LRP1: variants seen among roughly 807,000 people sequenced by gnomAD.
LRP1 encodes prolow-density lipoprotein receptor-related protein 1.
LRP1 carries 51 observed loss-of-function variants against 541.5 expected under a neutral mutation model. The observed-to-expected ratio is 0.09, with a 90% CI of 0.08 to 0.12. The LOEUF (loss-of-function observed/expected upper bound fraction) is 0.12. LRP1 is among the 10% of genes least tolerant of loss of function. The pLI, the probability that LRP1 is intolerant of heterozygous loss-of-function variation, is 1.00. For missense variants in LRP1, 3,878 were observed against 6,376.2 expected (o/e 0.61, Z 13.34); for synonymous variants, 2,219 against 2,470.8 (o/e 0.90, Z 3.02).
intron 1 of LRP1, among the ~76,000 whole-genome samples, chr12:57,134,908 C>T (rs1403473544): frequency 1.3e-5 from 2 of 152,114 alleles, no homozygotes; most frequent in East Asian, 1.9e-4. Flanking sequence ...GGTTTCACCG[C>T]GTTAGCCAGG....
rs756823511 is a variant in LRP1, at chr12:57,198,499, C to G, written c.9505C>G (p.Leu3169Val). 12 of 1,614,094 alleles carry G rather than the reference C, an allele frequency of 7.4e-6. No homozygotes were observed. Among genetic ancestry groups the G allele is most frequent in the Admixed American group, 1.7e-5 (1 of 60,026 alleles). The change falls in exon 60 of 89, where the codon CTG (leucine) becomes GTG (valine). Residue 3169 changes from leucine (L) to valine (V), a missense_variant. Leu to Val is a conservative substitution (Grantham distance 32). Transcript: ENST00000243077. Reference protein sequence around the residue: ...LYWTDWGDHSLIGRIGMDGSS... With the variant: ...LYWTDWGDHSVIGRIGMDGSS... ...CTGGACAGACTGGGGTGACCATTCA[C>G]TGATCGGCCGCATCGGCATGGATGG...
chr12:57,197,291 GTC>G lies in LRP1; in HGVS notation c.9077-6_9077-5del. ...GCCAGGAGCTGAGGCAAGATCCTCT[GTC>G]TGCAGACGAGGAACCGTTTCTGATC... On this transcript the variant is annotated splice_region_variant and splice_polypyrimidine_tract_variant and intron_variant, in intron 56 of 88. Coordinates refer to ENST00000243077, the MANE Select transcript of LRP1 (RefSeq NM_002332.3). The surrounding 1 kb of genome is among the most constrained non-coding windows in gnomAD (Gnocchi z 4.5). 6.2e-7 allele frequency: 1 copy of G among 1,614,080 alleles called. No individual in the cohort carries two copies. Among genetic ancestry groups the G allele is most frequent in the Non-Finnish European group, 8.5e-7 (1 of 1,179,958 alleles).
rs2035979964 is a variant in LRP1, at chr12:57,173,241, G to A, written c.3237G>A (p.Arg1079=). The A allele has an allele frequency of 6.2e-7, 1 of 1,613,910 alleles. No homozygotes were observed. The highest frequency in any genetic ancestry group is 1.3e-5 in the African/African-American group (1 of 74,924). Residue 1079 remains arginine, a synonymous_variant, in exon 21 of 89, where the codon CGG becomes CGA. Coordinates refer to ENST00000243077, the MANE Select transcript of LRP1 (RefSeq NM_002332.3). The surrounding 1 kb of genome is among the most constrained non-coding windows in gnomAD (Gnocchi z 4.7). The stretch of plus-strand genomic sequence containing the variant: ...TGGATGGACTATGCATCCCCCTGCG[G>A]TGGCGCTGCGATGGGGACACTGACT... ...CRLDGLCIPL[R]WRCDGDTDCM...
In LRP1 at chr12:57,200,826, G is replaced by GGGGGGGGGGC; in HGVS notation, c.10225+11_10225+12insGGGGGGGGGC. On this transcript the variant is annotated intron_variant, in intron 64 of 88. Transcript: ENST00000243077. ...ACGAGGCCAACTGTGGTAAGGCGCTGCCCGCCCACCCTCCCTCCTTCCCCA... is the reference window on the plus strand; with the variant it reads ...ACGAGGCCAACTGTGGTAAGGCGCTGGGGGGGGGGCCCCGCCCACCCTCCCTCCTTCCCCA... 6.3e-6 allele frequency: 10 copies of GGGGGGGGGGC among 1,581,334 alleles called. No individual in the cohort carries two copies. The highest frequency in any genetic ancestry group is 1.1e-5 in the South Asian group (1 of 89,998).
At position 57,200,452 on chromosome 12, in the gene LRP1, A is replaced by G; in HGVS notation, c.10025A>G (p.Lys3342Arg). 2 of 1,613,084 alleles carry G rather than the reference A, an allele frequency of 1.2e-6. No homozygotes were observed. Among genetic ancestry groups the G allele is most frequent in the Non-Finnish European group, 1.7e-6 (2 of 1,179,456 alleles). ...CCACCTGCCCTCCAGTTTGTATGCA[A>G]GAACGACAAGTGCATCCCCTTCTGG... ...SNCTASQFVC[K>R]NDKCIPFWWK... Residue 3342 changes from lysine to arginine, a missense_variant, in exon 63 of 89, where the codon AAG (lysine) becomes AGG (arginine). Lys to Arg is a conservative substitution (Grantham distance 26). Transcript: ENST00000243077.
intron 62 of LRP1, 147 bp from the exon 63 acceptor site, chr12:57,200,295 G>A (rs1378081933): frequency 3.0e-6 from 2 of 672,790 alleles, no homozygotes; most frequent in Non-Finnish European, 5.4e-6. Flanking sequence ...CCCATACCTG[G>A]CCTTTCCGAA....
chr12:57,199,772 G>C, intron 61 of LRP1, 105 bp from the exon 62 acceptor site: 1 of 1,353,392 alleles, frequency 7.4e-7, no homozygotes, highest in Middle Eastern at 2.0e-4. Context: ...CCTCCTAAAA[G>C]AGGCAGGGTT....
At chr12:57,180,639 A>G in intron 32 of LRP1, 28 bp from the exon 33 acceptor site, 4 of 1,613,462 alleles carry the variant, frequency 2.5e-6, no homozygotes, top group Non-Finnish European at 3.4e-6. Context: ...GGCCTTCCCA[A>G]GGGTCTCATC....
intron 46 of LRP1, 109 bp from the exon 47 acceptor site, chr12:57,193,457 T>C: frequency 2.6e-6 from 4 of 1,517,002 alleles, no homozygotes; most frequent in Non-Finnish European, 3.6e-6. Context: ...TAGCCTGGAC[T>C]GGGCCTTTGG....
chr12:57,162,469 G>A lies in LRP1; in HGVS notation c.2355G>A (p.Glu785=). The change falls in exon 14 of 89, where the codon GAG becomes GAA. Residue 785 remains glutamate (E), a synonymous_variant. Transcript: ENST00000243077. This position sits in a 1 kb window ranked among gnomAD's most constrained non-coding sequence, Gnocchi z 5.2. ...CCACTGTGACCCTTCTGCGCAGTGA[G>A]CGGCCCCCCATCTTTGAGATCCGAA... The part of the protein sequence containing the change: ...APPTVTLLRS[E]RPPIFEIRMY... The A allele has an allele frequency of 6.2e-7, 1 of 1,614,134 alleles. No homozygotes were observed. Among genetic ancestry groups the A allele is most frequent in the Non-Finnish European group, 8.5e-7 (1 of 1,180,032 alleles).
chr12:57,156,300 G>T lies in LRP1; in HGVS notation c.1417+17G>T, dbSNP rs1312935786. 1.4e-5 allele frequency: 22 copies of T among 1,612,528 alleles called. No homozygotes were observed. The highest frequency in any genetic ancestry group is 1.6e-5 in the Non-Finnish European group (19 of 1,179,348). ...AGCCCCGAGGTGAGCAGGGCTCCATGGCCCCTCCAAAGCTGGCTTTACCCC... is the reference window on the plus strand; with the variant it reads ...AGCCCCGAGGTGAGCAGGGCTCCATTGCCCCTCCAAAGCTGGCTTTACCCC... On this transcript the variant is annotated intron_variant, in intron 9 of 88. Coordinates refer to ENST00000243077, the MANE Select transcript of LRP1 (RefSeq NM_002332.3). This position sits in a 1 kb window ranked among gnomAD's most constrained non-coding sequence, Gnocchi z 5.2.
chr12:57,192,529 G>A (rs757526035), intron 44 of LRP1, among the ~76,000 whole-genome samples: 4 of 152,082 alleles, frequency 2.6e-5, no homozygotes, highest in African/African-American at 4.8e-5. Context: ...TCTCCCATGC[G>A]CCCTGGGGCT....
chr12:57,199,110 C>A, intron 60 of LRP1, 102 bp from the exon 61 acceptor site: 1 of 1,060,102 alleles, frequency 9.4e-7, no homozygotes. Context: ...GGGGCTGACA[C>A]CCACCTCTCA....
At chr12:57,132,893 C>A (rs1440017623) in intron 1 of LRP1, among the ~76,000 whole-genome samples, 2 of 152,162 alleles carry the variant, frequency 1.3e-5, no homozygotes, top group Non-Finnish European at 2.9e-5. Flanking sequence ...GGCTATTTTT[C>A]CCCCTTCCTG....
intron 6 of LRP1, among the ~76,000 whole-genome samples, chr12:57,153,957 A>C (rs1027344594): frequency 6.6e-6 from 1 of 151,678 alleles, no homozygotes; most frequent in Non-Finnish European, 1.5e-5. Context: ...TGTGCTCTCT[A>C]CCTTTTGGTG....
chr12:57,182,821 AAAAC>A (rs768633047), intron 34 of LRP1, among the ~76,000 whole-genome samples: 2 of 152,236 alleles, frequency 1.3e-5, no homozygotes, highest in African/African-American at 4.8e-5. Flanking sequence ...CGTCTCAAAA[AAAAC>A]AAACAAAGAA....
intron 81 of LRP1, 38 bp downstream of exon 81, chr12:57,210,207 G>A (rs773823709): frequency 8.3e-6 from 13 of 1,560,452 alleles, no homozygotes; most frequent in Middle Eastern, 3.4e-4. Flanking sequence ...CATGCCTCAG[G>A]ACCATCTCCT....
chr12:57,180,486 G>T lies in LRP1; in HGVS notation c.5386+7G>T. 5 of 1,613,796 alleles carry T rather than the reference G, an allele frequency of 3.1e-6. No homozygotes were observed. Among genetic ancestry groups the T allele is most frequent in the Non-Finnish European group, 4.2e-6 (5 of 1,179,916 alleles). On this transcript the variant is annotated splice_region_variant and intron_variant, in intron 32 of 88. Transcript: ENST00000243077. ...ACCGCCCTGGCCATCATGGGTGAGG[G>T]CTGCTGGGCGAAGCAGAGATGACGC...
At chr12:57,143,311 C>T (rs1014581975) in intron 3 of LRP1, among the ~76,000 whole-genome samples, 3 of 152,150 alleles carry the variant, frequency 2.0e-5, no homozygotes, top group Non-Finnish European at 4.4e-5. Flanking sequence ...CATTGTAATC[C>T]CCAGGCAGTG....
Sources: gnomAD v4.1 joint callset for allele counts (sites outside exome capture counted in the v4.1 genomes callset) on GRCh38, gnomAD v4.1.1 for gene constraint, Gnocchi (gnomAD v3.1) non-coding constraint, MANE v1.5 for transcripts, NCBI Gene and HGNC (gene_info 2026-07-23, HGNC 2026-07-21) for gene names.